The following CDC42 variants were observed in gnomAD, a reference collection of about 807,000 sequenced individuals.
CDC42 encodes cell division cycle 42, also known as cell division control protein 42 homolog.
In CDC42, 1 loss-of-function variant was observed where a neutral mutation model predicts 20.8. The ratio of observed to expected loss-of-function variants is 0.05; its 90% CI spans 0.02 to 0.23. CDC42 has a LOEUF of 0.23. CDC42 is among the 10% of genes least tolerant of loss of function. CDC42 has a pLI of 1.00. For synonymous variants in CDC42, 72 were observed against 84.8 expected (o/e 0.85, Z 0.83); for missense variants, 49 against 227.9 (o/e 0.21, Z 5.05).
At chr1:22,067,534 A>C (rs1413074351) in intron 1 of CDC42, among the ~76,000 whole-genome samples, 1 of 152,072 alleles carries the variant, frequency 6.6e-6, no homozygotes, top group Non-Finnish European at 1.5e-5. Context: ...TAGTGGAGAC[A>C]GGGTTTCACC....
chr1:22,089,894 T>C, intron 5 of CDC42: 2 of 1,592,420 alleles, frequency 1.3e-6, no homozygotes, highest in African/African-American at 1.3e-5. Flanking sequence ...CTAGTCTTTC[T>C]AATCCTCTAA....
intron 1 of CDC42, among the ~76,000 whole-genome samples, chr1:22,057,752 C>T (rs1370751530): frequency 6.8e-6 from 1 of 147,340 alleles, no homozygotes; most frequent in African/African-American, 2.5e-5. Context: ...GAGACAGAGT[C>T]TCGCTCTGTC....
intron 1 of CDC42, among the ~76,000 whole-genome samples, chr1:22,060,798 C>T (rs1228375619): frequency 6.6e-6 from 1 of 152,002 alleles, no homozygotes; most frequent in Non-Finnish European, 1.5e-5. Flanking sequence ...CACTTGCTTG[C>T]CTAAAAAACA....
In CDC42 at chr1:22,058,423, C is replaced by T. The variant is rs1645326712; in HGVS notation, c.-51+5681C>T. Among the ~76,000 whole-genome samples the T allele has an allele frequency of 2.0e-5, 3 of 151,992 alleles. No individual in the cohort carries two copies. The East Asian group carries it at 5.8e-4, about 29-fold the overall frequency. On this transcript the variant is annotated intron_variant, in intron 1 of 5. Transcript: ENST00000656825. ...TAGTTTTTAAAGGAATTGTTGCTTC[C>T]TGCCTATTACGTAGAATTGCCTCAT...
chr1:22,090,365 T>C (rs935756666), intron 5 of CDC42: 2 of 1,035,120 alleles, frequency 1.9e-6, no homozygotes, highest in Non-Finnish European at 2.3e-6. Context: ...TTAACACTTC[T>C]AGATCTTAGT....
In CDC42 at chr1:22,099,150, G is replaced by A. The variant is rs370160340; in HGVS notation, c.*7633G>A. On this transcript the variant is annotated 3_prime_UTR_variant, in exon 6 of 6. Coordinates refer to ENST00000656825, the MANE Select transcript of CDC42 (RefSeq NM_001791.4). ...CCCTGCTTCACCACGGCATAGGGAC[G>A]GGTGCAGTAGGAAGAAAGGTAGCCT... 1.6e-4 allele frequency among the ~76,000 whole-genome samples: 25 copies of A among 152,194 alleles called. No individual in the cohort carries two copies. Among genetic ancestry groups the A allele is most frequent in the Non-Finnish European group, 2.8e-4 (19 of 68,026 alleles).
chr1:22,061,942 A>C lies in CDC42; in HGVS notation c.-51+9200A>C, dbSNP rs990220094. Among the ~76,000 whole-genome samples, 7 of 147,876 alleles carry C rather than the reference A, an allele frequency of 4.7e-5. No homozygotes were observed. The South Asian group carries it at 1.3e-3, about 27-fold the overall frequency. On this transcript the variant is annotated intron_variant, in intron 1 of 5. Coordinates refer to ENST00000656825, the MANE Select transcript of CDC42 (RefSeq NM_001791.4). Reference sequence around the variant, plus strand: ...TGGAACACCCTTTTTTATTTTATTTATTTCTTTTTTTTGGAGAACGGATTC... The same window carrying C: ...TGGAACACCCTTTTTTATTTTATTTCTTTCTTTTTTTTGGAGAACGGATTC...
At chr1:22,077,051 G>A (rs1244869460) in intron 1 of CDC42, among the ~76,000 whole-genome samples, 1 of 152,122 alleles carries the variant, frequency 6.6e-6, no homozygotes, top group African/African-American at 2.4e-5. Flanking sequence ...AGCTACTTGG[G>A]AGGCCAAGGT....
In CDC42 at chr1:22,098,341, A is replaced by G. The variant is rs1191490963; in HGVS notation, c.*6824A>G. The stretch of plus-strand genomic sequence containing the variant: ...GGTGAACAATTAGATGGGAAGGCTG[A>G]AAAAAAAAATACTCCTGAGATTCTG... On this transcript the variant is annotated 3_prime_UTR_variant, in exon 6 of 6. Coordinates refer to ENST00000656825, the MANE Select transcript of CDC42 (RefSeq NM_001791.4). Among the ~76,000 whole-genome samples, 2 of 108,168 alleles carry G rather than the reference A, an allele frequency of 1.8e-5. No individual in the cohort carries two copies. Among genetic ancestry groups the G allele is most frequent in the African/African-American group, 8.0e-5 (2 of 25,062 alleles). The allele number at this position is 108,168 out of a possible 152,430, so 71.0% of individuals were successfully genotyped here. A position where few individuals can be genotyped will look rare whatever the true frequency, so the allele number is the denominator to read the frequency against.
In CDC42 at chr1:22,097,494, G is replaced by A. The variant is rs558147188; in HGVS notation, c.*5977G>A. On this transcript the variant is annotated 3_prime_UTR_variant, in exon 6 of 6. Transcript: ENST00000656825. The stretch of plus-strand genomic sequence containing the variant: ...TGACCTCAGGTGATCCGCCCGTTGC[G>A]GCCTCCCTAAGTGCTGGGATTATAG... Among the ~76,000 whole-genome samples the A allele has an allele frequency of 6.6e-6, 1 of 152,240 alleles. No individual in the cohort carries two copies. The highest frequency in any genetic ancestry group is 2.4e-5 in the African/African-American group (1 of 41,536).
chr1:22,069,640 A>C (rs1304936155), intron 1 of CDC42, among the ~76,000 whole-genome samples: 2 of 40,154 alleles, frequency 5.0e-5, no homozygotes, highest in South Asian at 8.0e-4. Context: ...TTTTTTTTTT[A>C]ATTTTTTGTA....
At chr1:22,057,360 G>C (rs1569951481) in intron 1 of CDC42, among the ~76,000 whole-genome samples, 1 of 152,274 alleles carries the variant, frequency 6.6e-6, no homozygotes, top group East Asian at 1.9e-4. Context: ...CCTTCTCCCG[G>C]ACTAATCTGA....
chr1:22,084,539 A>T (rs1645641753), intron 3 of CDC42, among the ~76,000 whole-genome samples: 2 of 151,576 alleles, frequency 1.3e-5, no homozygotes, highest in African/African-American at 4.8e-5. Flanking sequence ...GGTAAGTTTT[A>T]GGAGTTCTTT....
At chr1:22,076,098 A>G (rs958462088) in intron 1 of CDC42, among the ~76,000 whole-genome samples, 3 of 152,072 alleles carry the variant, frequency 2.0e-5, no homozygotes, top group African/African-American at 7.2e-5. Flanking sequence ...TTCCACTAGC[A>G]CTGATTATAT....
At chr1:22,078,755 T>C in intron 2 of CDC42, 172 bp downstream of exon 2, 1 of 1,493,804 alleles carries the variant, frequency 6.7e-7, no homozygotes. Flanking sequence ...AGCTGAAAAA[T>C]CAGTGGAAAG....
chr1:22,094,294 A>ATATTTTTTTTTTTT lies in CDC42; in HGVS notation c.*2778_*2779insATTTTTTTTTTTTT. 2.6e-5 allele frequency among the ~76,000 whole-genome samples: 1 copy of ATATTTTTTTTTTTT among 38,302 alleles called. No individual in the cohort carries two copies. The highest frequency in any genetic ancestry group is 4.2e-5 in the Non-Finnish European group (1 of 23,610). 25.1% of individuals were successfully genotyped at this position (38,302 alleles called of 152,430 possible). ...GTTTTACTGAACATCCTAGAAATAG[A>ATATTTTTTTTTTTT]TTTTTTTTTTTTTTTTTTTTTGAGA... On this transcript the variant is annotated 3_prime_UTR_variant, in exon 6 of 6. Coordinates refer to ENST00000656825, the MANE Select transcript of CDC42 (RefSeq NM_001791.4).
intron 1 of CDC42, among the ~76,000 whole-genome samples, chr1:22,055,788 C>G (rs1047322828): frequency 2.6e-5 from 4 of 151,480 alleles, no homozygotes; most frequent in African/African-American, 7.3e-5. Flanking sequence ...GTGCCGCTGA[C>G]AGGCTTTCTT....
At chr1:22,069,697 G>A (rs865947653) in intron 1 of CDC42, among the ~76,000 whole-genome samples, 37 of 146,168 alleles carry the variant, frequency 2.5e-4, no homozygotes, top group Non-Finnish European at 4.5e-4. Context: ...GATTTGCTGG[G>A]CTCAAGTGAT....
rs556312171 is a variant in CDC42 at position 22,061,830 on chromosome 1, G to T, written c.-51+9088G>T. ...CCCCCTTCAGCCTCCCAAAGTGCTG[G>T]GATTACAGGCGTGAGCCACTGCGCC... On this transcript the variant is annotated intron_variant, in intron 1 of 5. Transcript: ENST00000656825. 3.3e-5 allele frequency among the ~76,000 whole-genome samples: 5 copies of T among 151,826 alleles called. No homozygotes were observed. In the South Asian group the frequency reaches 1.0e-3, roughly 32 times the overall value.
Sources: gnomAD v4.1 joint callset for allele counts (sites outside exome capture counted in the v4.1 genomes callset) on GRCh38, gnomAD v4.1.1 for gene constraint, MANE v1.5 for transcripts, NCBI Gene and HGNC (gene_info 2026-07-23, HGNC 2026-07-21) for gene names.